Variants in ARHGEF4 observed in about 807,000 individuals in gnomAD.
ARHGEF4 encodes the protein Rho guanine nucleotide exchange factor 4.
In ARHGEF4, 119 loss-of-function variants were observed where a neutral mutation model predicts 162.0. The ratio of observed to expected loss-of-function variants is 0.73; its 90% CI spans 0.63 to 0.86. The LOEUF is 0.86. ARHGEF4 is among the 40% of genes least tolerant of loss of function. The pLI is 0.00. For missense variants in ARHGEF4, 2,488 were observed against 2,456.0 expected (o/e 1.01, Z -0.28); for synonymous variants, 1,014 against 979.9 (o/e 1.03, Z -0.65).
intron 4 of ARHGEF4, among the ~76,000 whole-genome samples, chr2:131,023,074 C>CAAAA (rs56868632): frequency 0.02 from 1,298 of 66,562 alleles, 180 homozygotes; most frequent in African/African-American, 0.066. Context: ...AACCCTGTCT[C>CAAAA]AAAAAAAAAA....
chr2:130,968,330 G>A (rs1228161540), intron 4 of ARHGEF4, among the ~76,000 whole-genome samples: 2 of 152,202 alleles, frequency 1.3e-5, no homozygotes, highest in African/African-American at 4.8e-5. Flanking sequence ...TATAATGTGG[G>A]GCAGGCCAGG....
intron 4 of ARHGEF4, among the ~76,000 whole-genome samples, chr2:130,991,934 T>C (rs895382006): frequency 7.9e-5 from 12 of 152,196 alleles, no homozygotes; most frequent in African/African-American, 2.9e-4. Flanking sequence ...GTGGAGAATC[T>C]TTATGTCTAG....
chr2:131,008,956 G>C (rs915272871), intron 4 of ARHGEF4, among the ~76,000 whole-genome samples: 3 of 152,170 alleles, frequency 2.0e-5, no homozygotes, highest in Admixed American at 2.0e-4. Flanking sequence ...TTTTAAAATA[G>C]TGTGTTGTAC....
intron 1 of ARHGEF4, among the ~76,000 whole-genome samples, chr2:130,864,377 G>A (rs1375035166): frequency 6.6e-6 from 1 of 152,176 alleles, no homozygotes; most frequent in Non-Finnish European, 1.5e-5. Flanking sequence ...TAGTTGCCTG[G>A]GGCTGGAGTG....
intron 1 of ARHGEF4, among the ~76,000 whole-genome samples, chr2:130,885,715 G>T (rs1481191941): frequency 6.6e-6 from 1 of 151,238 alleles, no homozygotes; most frequent in Non-Finnish European, 1.5e-5. Flanking sequence ...GACTACAGGC[G>T]CCCGCCACCA....
Position 131,046,350 on chromosome 2 carries a change from G to GT in ARHGEF4, c.*163dup. On this transcript the variant is annotated 3_prime_UTR_variant, in exon 14 of 14. Coordinates refer to ENST00000409359, the MANE Select transcript of ARHGEF4 (RefSeq NM_001367493.1). The stretch of plus-strand genomic sequence containing the variant: ...CAAGACGTGCCAGGTCTGTACTCCT[G>GT]TTGTCTTTTTCCCTGCTCCTGGTGC... The GT allele has an allele frequency of 1.3e-6, 1 of 742,076 alleles. No individual in the cohort carries two copies. Among genetic ancestry groups the GT allele is most frequent in the Admixed American group, 2.8e-5 (1 of 35,106 alleles). The allele number at this position is 742,076 out of a possible 1,614,324, so 46.0% of individuals were successfully genotyped here.
At position 130,915,210 on chromosome 2, in the gene ARHGEF4, G is replaced by A; in HGVS notation, c.1264G>A (p.Gly422Ser). 1 of 1,550,600 alleles carries A rather than the reference G, an allele frequency of 6.4e-7. No individual in the cohort carries two copies. The highest frequency in any genetic ancestry group is 8.7e-7 in the Non-Finnish European group (1 of 1,147,006). Residue 422 changes from glycine (G) to serine (S), a missense_variant, in exon 2 of 14, where the codon GGT (glycine) becomes AGT (serine). Coordinates refer to ENST00000409359, the MANE Select transcript of ARHGEF4 (RefSeq NM_001367493.1). ...QRASQDTPSA[G>S]LLGENQLRQD... ...GGCCTCTCAGGACACTCCTTCTGCA[G>A]GTCTCCTGGGGGAAAACCAGTTAAG...
chr2:130,854,309 AAC>A (rs1259692785), intron 1 of ARHGEF4, among the ~76,000 whole-genome samples: 1 of 152,130 alleles, frequency 6.6e-6, no homozygotes, highest in East Asian at 1.9e-4. Context: ...GAGGACAAAT[AAC>A]ACACATTTAT....
At chr2:130,933,172 A>G (rs1343457882) in intron 3 of ARHGEF4, among the ~76,000 whole-genome samples, 3 of 151,368 alleles carry the variant, frequency 2.0e-5, no homozygotes, top group Non-Finnish European at 4.4e-5. Flanking sequence ...CCAAGACTGC[A>G]CCACTGCACT....
In ARHGEF4 at chr2:130,915,097, C is replaced by A. The variant is rs79406269; in HGVS notation, c.1151C>A (p.Thr384Asn). 5.2e-6 allele frequency: 8 copies of A among 1,550,626 alleles called. No homozygotes were observed. The Admixed American group carries it at 9.8e-5, about 19-fold the overall frequency. Residue 384 changes from threonine to asparagine, a missense_variant, in exon 2 of 14, where the codon ACC (threonine) becomes AAC (asparagine). Around this residue, in one of 6 missense-constraint regions of ARHGEF4, gnomAD observed 1,642 missense variants for 1,481.5 expected, o/e 1.11. Coordinates refer to ENST00000409359, the MANE Select transcript of ARHGEF4 (RefSeq NM_001367493.1). Reference sequence around the variant, plus strand: ...CAAAACATCCCTTCCCCTGCACCCACCCAGCTGTCTGGCCCGATTCCTGCT... The same window carrying A: ...CAAAACATCCCTTCCCCTGCACCCAACCAGCTGTCTGGCCCGATTCCTGCT... ...RIQNIPSPAPTQLSGPIPAFQ... is the reference protein window; with the variant it reads ...RIQNIPSPAPNQLSGPIPAFQ...
intron 4 of ARHGEF4, among the ~76,000 whole-genome samples, chr2:131,000,202 T>A (rs1687677734): frequency 6.6e-6 from 1 of 152,258 alleles, no homozygotes; most frequent in Non-Finnish European, 1.5e-5. Context: ...CATTATAATG[T>A]CTTATAATTT....
intron 4 of ARHGEF4, among the ~76,000 whole-genome samples, chr2:130,990,758 T>C (rs1024786493): frequency 4.6e-5 from 7 of 152,216 alleles, no homozygotes; most frequent in Middle Eastern, 3.4e-3. Flanking sequence ...GCGATGGAGC[T>C]AAAGACCTTA....
At chr2:131,035,202 C>G in intron 5 of ARHGEF4, 1 of 1,224,064 alleles carries the variant, frequency 8.2e-7, no homozygotes, top group Non-Finnish European at 1.0e-6. Context: ...TGGTCTCCGC[C>G]GTGCTGGCGC....
chr2:131,006,343 T>G (rs1209076994), intron 4 of ARHGEF4, among the ~76,000 whole-genome samples: 1 of 152,216 alleles, frequency 6.6e-6, no homozygotes, highest in Non-Finnish European at 1.5e-5. Context: ...CAGAAACAGA[T>G]AACAAATGTA....
At chr2:130,948,699 C>T (rs540581646) in intron 4 of ARHGEF4, among the ~76,000 whole-genome samples, 1 of 152,254 alleles carries the variant, frequency 6.6e-6, no homozygotes, top group African/African-American at 2.4e-5. Context: ...GGTCAGGGCT[C>T]TAGCCACACT....
At chr2:130,907,800 C>CA (rs1680923744) in intron 1 of ARHGEF4, among the ~76,000 whole-genome samples, 1 of 151,588 alleles carries the variant, frequency 6.6e-6, no homozygotes, top group Non-Finnish European at 1.5e-5. Flanking sequence ...ACTAAACGTA[C>CA]AAAAAATTAG....
intron 4 of ARHGEF4, among the ~76,000 whole-genome samples, chr2:130,999,399 G>T (rs542157125): frequency 6.6e-6 from 1 of 151,910 alleles, no homozygotes; most frequent in Non-Finnish European, 1.5e-5. Context: ...CTTGTGATCC[G>T]CCCGCCTTGG....
intron 4 of ARHGEF4, among the ~76,000 whole-genome samples, chr2:131,007,795 CTTTTCTTTTTTTTTTTTT>C (rs1688212669): frequency 3.1e-5 from 2 of 64,978 alleles, no homozygotes; most frequent in Admixed American, 1.5e-4. Flanking sequence ...TTATTCTTTT[CTTTTCTTTTTTTTTTTTT>C]TTTTTTTTTT....
rs1574224162 is a variant in ARHGEF4 at position 130,917,058 on chromosome 2, G to A, written c.3112G>A (p.Gly1038Ser). ...CATCAAGTGCACAGCCACCCAGGAA[G>A]GCGGTAGGTACCTACCTTCAGGTAT... The part of the protein sequence containing the change: ...PTIKCTATQE[G>S]GRYLPSGIFP... Residue 1038 changes from glycine to serine, a missense_variant, in exon 2 of 14, where the codon GGC becomes AGC. Gly to Ser is a moderately conservative substitution (Grantham distance 56). Transcript: ENST00000409359. The A allele has an allele frequency of 1.9e-6, 3 of 1,550,860 alleles. No homozygotes were observed. Among genetic ancestry groups the A allele is most frequent in the African/African-American group, 1.4e-5 (1 of 73,166 alleles).
Sources: allele counts gnomAD v4.1 joint callset (sites outside exome capture counted in the v4.1 genomes callset), GRCh38; gene constraint gnomAD v4.1.1; regional missense constraint gnomAD v4.1.1; transcripts MANE v1.5; gene names NCBI Gene and HGNC (gene_info 2026-07-23, HGNC 2026-07-21).